Variants in SCD5 observed in about 807,000 individuals in gnomAD.
SCD5 encodes acyl-CoA-desaturase 4.
A neutral mutation model predicts 30.4 loss-of-function variants in SCD5; 20 were observed. The ratio of observed to expected loss-of-function variants is 0.66; its 90% CI spans 0.46 to 0.96. SCD5 has a LOEUF of 0.96. Among genes scored for constraint, SCD5 ranks in the 40% least tolerant of loss-of-function variants. The probability of loss-of-function intolerance (pLI) is 0.00; values close to 1 mark genes in which losing one functional copy is unlikely to be tolerated. For missense variants in SCD5, 381 were observed against 443.3 expected (o/e 0.86, Z 1.26); for synonymous variants, 173 against 176.4 (o/e 0.98, Z 0.16).
intron 1 of SCD5, among the ~76,000 whole-genome samples, chr4:82,779,156 C>T (rs1303122943): frequency 1.3e-5 from 2 of 152,032 alleles, no homozygotes; most frequent in African/African-American, 2.4e-5. Context: ...TGAGTCACTG[C>T]GATCAGCTGC....
intron 1 of SCD5, among the ~76,000 whole-genome samples, chr4:82,741,367 C>G (rs187373602): frequency 6.6e-6 from 1 of 152,228 alleles, no homozygotes; most frequent in South Asian, 2.1e-4. Context: ...TTTGGTCCCT[C>G]GAAACACTGC....
At chr4:82,747,162 G>GTTC (rs1256860510) in intron 1 of SCD5, among the ~76,000 whole-genome samples, 11 of 151,318 alleles carry the variant, frequency 7.3e-5, no homozygotes, top group Admixed American at 7.3e-4. Context: ...TCCTGGCGAG[G>GTTC]GGGAAAGGGA....
intron 1 of SCD5, among the ~76,000 whole-genome samples, chr4:82,711,622 C>A (rs1720088481): frequency 6.6e-6 from 1 of 152,006 alleles, no homozygotes; most frequent in African/African-American, 2.4e-5. Flanking sequence ...AGGAAGATCA[C>A]TTAAGCCCAG....
At chr4:82,667,360 T>G (rs1277130633) in intron 3 of SCD5, among the ~76,000 whole-genome samples, 1 of 152,106 alleles carries the variant, frequency 6.6e-6, no homozygotes, top group Non-Finnish European at 1.5e-5. Context: ...CAAAAAAAAT[T>G]GACATTTTTG....
chr4:82,639,471 G>A (rs920600421), intron 3 of SCD5, among the ~76,000 whole-genome samples: 5 of 152,192 alleles, frequency 3.3e-5, no homozygotes, highest in Non-Finnish European at 7.3e-5. Flanking sequence ...AAATTGAAAG[G>A]TATTATCCTT....
At chr4:82,749,569 G>A (rs370362868) in intron 1 of SCD5, among the ~76,000 whole-genome samples, 1 of 152,192 alleles carries the variant, frequency 6.6e-6, no homozygotes, top group Admixed American at 6.5e-5. Context: ...AACAACACAA[G>A]TTGGGCCAAA....
In SCD5 at chr4:82,746,739, T is replaced by C. The variant is rs563240059; in HGVS notation, c.233-41326A>G. The stretch of plus-strand genomic sequence containing the variant: ...AGTCAATATCCAAGCAGAACTAACA[T>C]TGATACGGGAAAGAGCAAGGGAGGT... On this transcript the variant is annotated intron_variant, in intron 1 of 4. Coordinates refer to ENST00000319540, the MANE Select transcript of SCD5 (RefSeq NM_001037582.3). 1.4e-3 allele frequency among the ~76,000 whole-genome samples: 209 copies of C among 151,994 alleles called. 1 individual carries two copies. Among genetic ancestry groups the C allele is most frequent in the African/African-American group, 4.8e-3 (197 of 41,444 alleles).
At chr4:82,641,895 C>T (rs895307669) in intron 3 of SCD5, among the ~76,000 whole-genome samples, 1 of 151,888 alleles carries the variant, frequency 6.6e-6, no homozygotes, top group Non-Finnish European at 1.5e-5. Flanking sequence ...ATTAAGATGC[C>T]CTAAGCCGAT....
intron 2 of SCD5, among the ~76,000 whole-genome samples, chr4:82,700,358 GT>G (rs1309175981): frequency 6.6e-6 from 1 of 152,026 alleles, no homozygotes; most frequent in African/African-American, 2.4e-5. Flanking sequence ...TACACTTAGG[GT>G]TTACACCATG....
intron 3 of SCD5, among the ~76,000 whole-genome samples, chr4:82,639,955 T>G (rs1242611388): frequency 1.3e-5 from 2 of 152,198 alleles, no homozygotes; most frequent in Non-Finnish European, 2.9e-5. Context: ...TGCTCTCTGC[T>G]GGGCCCTGGG....
intron 1 of SCD5, among the ~76,000 whole-genome samples, chr4:82,758,815 G>A (rs1166745152): frequency 6.6e-6 from 1 of 152,170 alleles, no homozygotes; most frequent in African/African-American, 2.4e-5. Flanking sequence ...AGGACTGACA[G>A]CCTCACTCCA....
intron 1 of SCD5, among the ~76,000 whole-genome samples, chr4:82,793,988 G>C (rs972705208): frequency 1.3e-5 from 2 of 152,180 alleles, no homozygotes; most frequent in Non-Finnish European, 2.9e-5. Flanking sequence ...ACCAGGTACA[G>C]ACTACCCGAT....
At chr4:82,690,306 C>CA (rs1420264393) in intron 2 of SCD5, among the ~76,000 whole-genome samples, 4 of 152,166 alleles carry the variant, frequency 2.6e-5, no homozygotes, top group Admixed American at 2.6e-4. Context: ...GGGAATAAAG[C>CA]AAATGAGCAG....
intron 2 of SCD5, among the ~76,000 whole-genome samples, chr4:82,696,992 A>C (rs1719709908): frequency 6.6e-6 from 1 of 152,240 alleles, no homozygotes; most frequent in Admixed American, 6.5e-5. Context: ...GTGGCTTCTA[A>C]GGTTCCCCAA....
chr4:82,680,636 G>A (rs41279291), intron 3 of SCD5, 71 bp downstream of exon 3: 18,236 of 1,398,106 alleles, frequency 0.013, 150 homozygotes, highest in Non-Finnish European at 0.015. Flanking sequence ...GGGGTTATGA[G>A]TCCACCTCAT....
At chr4:82,743,672 C>T (rs1419951579) in intron 1 of SCD5, among the ~76,000 whole-genome samples, 6 of 152,090 alleles carry the variant, frequency 3.9e-5, no homozygotes, top group Non-Finnish European at 8.8e-5. Flanking sequence ...CAGGCACGTG[C>T]CACCATGCCT....
intron 1 of SCD5, among the ~76,000 whole-genome samples, chr4:82,770,438 A>G (rs1048906102): frequency 6.6e-6 from 1 of 152,092 alleles, no homozygotes; most frequent in African/African-American, 2.4e-5. Context: ...CCGCTTAACC[A>G]CTGCTGACAG....
chr4:82,664,997 C>A (rs3972723), intron 3 of SCD5, among the ~76,000 whole-genome samples: 30,517 of 76,808 alleles, frequency 0.4, 5,817 homozygotes, highest in East Asian at 0.46. Flanking sequence ...CTCTCTCTCT[C>A]TCTATATATA....
chr4:82,758,992 C>T (rs1490215427), intron 1 of SCD5, among the ~76,000 whole-genome samples: 1 of 152,252 alleles, frequency 6.6e-6, no homozygotes. Flanking sequence ...TCCGCCCCAG[C>T]GCCCCGCTGA....
Sources: gnomAD v4.1 joint callset for allele counts (sites outside exome capture counted in the v4.1 genomes callset) on GRCh38, gnomAD v4.1.1 for gene constraint, MANE v1.5 for transcripts, NCBI Gene and HGNC (gene_info 2026-07-23, HGNC 2026-07-21) for gene names.